GMDS: variants seen among roughly 807,000 people sequenced by gnomAD.
GMDS encodes GDP-mannose 4,6 dehydratase.
In GMDS, 20 loss-of-function variants were observed where a neutral mutation model predicts 49.9. That is an observed-to-expected ratio of 0.40 (90% CI 0.28 to 0.58). GMDS has a LOEUF of 0.58. Among genes scored for constraint, GMDS ranks in the 20% least tolerant of loss-of-function variants. The pLI is 0.42. For synonymous variants in GMDS, 177 were observed against 178.6 expected (o/e 0.99, Z 0.07); for missense variants, 362 against 481.4 (o/e 0.75, Z 2.32).
At chr6:2,104,346 T>C (rs1370304423) in intron 4 of GMDS, among the ~76,000 whole-genome samples, 1 of 152,246 alleles carries the variant, frequency 6.6e-6, no homozygotes, top group Non-Finnish European at 1.5e-5. Flanking sequence ...GTGTTATCAA[T>C]AGTAGCTTTC....
chr6:1,862,670 C>A (rs1406118319), intron 7 of GMDS, among the ~76,000 whole-genome samples: 1 of 152,252 alleles, frequency 6.6e-6, no homozygotes, highest in African/African-American at 2.4e-5. Context: ...CCTGGAATGA[C>A]AACTCTGTCA....
intron 9 of GMDS, among the ~76,000 whole-genome samples, chr6:1,710,185 C>A (rs1299171084): frequency 1.3e-5 from 2 of 152,236 alleles, no homozygotes; most frequent in African/African-American, 4.8e-5. Flanking sequence ...TACCTCCACT[C>A]TGCCTGTCAA....
At chr6:2,209,175 T>C (rs1779946597) in intron 1 of GMDS, among the ~76,000 whole-genome samples, 1 of 152,190 alleles carries the variant, frequency 6.6e-6, no homozygotes, top group Non-Finnish European at 1.5e-5. Context: ...TTCCTAACTA[T>C]TCTGGTGTTA....
chr6:1,951,046 G>A (rs1763315329), intron 6 of GMDS, among the ~76,000 whole-genome samples: 2 of 151,934 alleles, frequency 1.3e-5, no homozygotes, highest in South Asian at 4.2e-4. Context: ...ACGTCCTCTG[G>A]AGGAAAGAGC....
Position 1,704,638 on chromosome 6 carries a change from C to T in GMDS, c.987+21778G>A, listed in dbSNP as rs541048695. ...GAAAAGAGTAAATTACCAAATGCAC[C>T]GGGAGTTTTGAGCACAGTGTCCAGT... On this transcript the variant is annotated intron_variant, in intron 9 of 10. Coordinates refer to ENST00000380815, the MANE Select transcript of GMDS (RefSeq NM_001500.4). Among the ~76,000 whole-genome samples, 5 of 152,278 alleles carry T rather than the reference C, an allele frequency of 3.3e-5. No homozygotes were observed. The South Asian group carries it at 6.2e-4, about 19-fold the overall frequency.
At chr6:1,693,803 T>C (rs1266775425) in intron 9 of GMDS, among the ~76,000 whole-genome samples, 2 of 152,204 alleles carry the variant, frequency 1.3e-5, no homozygotes, top group Non-Finnish European at 2.9e-5. Flanking sequence ...CTAGTTTGTT[T>C]TCTCTGTTAT....
intron 4 of GMDS, among the ~76,000 whole-genome samples, chr6:2,111,434 A>G (rs1172230572): frequency 1.3e-5 from 2 of 152,238 alleles, no homozygotes; most frequent in Non-Finnish European, 2.9e-5. Context: ...TTTATGATTC[A>G]GAAAAATGTC....
chr6:1,937,561 C>A (rs1305107094), intron 6 of GMDS, among the ~76,000 whole-genome samples: 1 of 152,168 alleles, frequency 6.6e-6, no homozygotes, highest in Non-Finnish European at 1.5e-5. Context: ...TACAGGAGAA[C>A]CCTGATGCTG....
intron 1 of GMDS, among the ~76,000 whole-genome samples, chr6:2,135,838 A>C (rs1040124419): frequency 2.6e-5 from 4 of 152,252 alleles, no homozygotes; most frequent in African/African-American, 9.6e-5. Context: ...ATAAAAAATT[A>C]TCCAGATATT....
At chr6:2,181,491 G>A (rs1257364506) in intron 1 of GMDS, among the ~76,000 whole-genome samples, 2 of 151,998 alleles carry the variant, frequency 1.3e-5, no homozygotes, top group Non-Finnish European at 1.5e-5. Context: ...CCCAGACACT[G>A]CTTTTTTTTA....
chr6:1,970,075 T>C (rs1423710634), intron 4 of GMDS, among the ~76,000 whole-genome samples: 1 of 152,204 alleles, frequency 6.6e-6, no homozygotes. Flanking sequence ...AAAATCTCAA[T>C]GAATGAGCCA....
At chr6:1,993,642 A>G (rs1395964486) in intron 4 of GMDS, among the ~76,000 whole-genome samples, 1 of 151,962 alleles carries the variant, frequency 6.6e-6, no homozygotes, top group Non-Finnish European at 1.5e-5. Flanking sequence ...TCATTCTCCA[A>G]TTCCTCACAA....
At chr6:1,687,999 C>T (rs773723705) in intron 9 of GMDS, among the ~76,000 whole-genome samples, 1 of 152,140 alleles carries the variant, frequency 6.6e-6, no homozygotes, top group Non-Finnish European at 1.5e-5. Flanking sequence ...GTAAAAAGTG[C>T]CACTATCTTC....
In GMDS at chr6:1,751,471, C is replaced by T. The variant is rs569660913; in HGVS notation, c.772-8885G>A. On this transcript the variant is annotated intron_variant, in intron 7 of 10. Transcript: ENST00000380815. ...CCTCCAGCAAACTCCAGCAGACCTG[C>T]AGCAGAGGGACCTGTTTTTTCATTT... Among the ~76,000 whole-genome samples the T allele has an allele frequency of 1.2e-4, 19 of 152,328 alleles. No homozygotes were observed. The South Asian group carries it at 1.5e-3, about 12-fold the overall frequency.
chr6:1,775,340 G>A (rs1768754566), intron 7 of GMDS, among the ~76,000 whole-genome samples: 1 of 152,170 alleles, frequency 6.6e-6, no homozygotes, highest in African/African-American at 2.4e-5. Flanking sequence ...ATTCTACAGG[G>A]TGGCTGCTAG....
chr6:1,942,190 G>T (rs1263299596), intron 6 of GMDS, among the ~76,000 whole-genome samples: 1 of 152,170 alleles, frequency 6.6e-6, no homozygotes, highest in Non-Finnish European at 1.5e-5. Context: ...ATGGTGAATG[G>T]TCTCACCCTG....
intron 7 of GMDS, among the ~76,000 whole-genome samples, chr6:1,858,965 T>TGG (rs3839600): frequency 1.6e-4 from 25 of 151,606 alleles, no homozygotes; most frequent in East Asian, 7.8e-4. Flanking sequence ...TTTTGTGTTT[T>TGG]GGGGGGGGCA....
At chr6:1,818,500 C>T (rs746823878) in intron 7 of GMDS, among the ~76,000 whole-genome samples, 13 of 150,298 alleles carry the variant, frequency 8.6e-5, no homozygotes, top group Non-Finnish European at 1.6e-4. Flanking sequence ...CCCAGCTACT[C>T]GGGAGGCTGA....
intron 9 of GMDS, among the ~76,000 whole-genome samples, chr6:1,662,499 G>T (rs55979945): frequency 6.6e-6 from 1 of 152,072 alleles, no homozygotes; most frequent in Non-Finnish European, 1.5e-5. Context: ...GGAATCCAAG[G>T]ATTAGAGTTC....
Sources: allele counts gnomAD v4.1 joint callset (sites outside exome capture counted in the v4.1 genomes callset), GRCh38; gene constraint gnomAD v4.1.1; transcripts MANE v1.5; gene names NCBI Gene and HGNC (gene_info 2026-07-23, HGNC 2026-07-21).